ATOSA: variants seen among roughly 807,000 people sequenced by gnomAD.
ATOSA encodes atos homolog A, also known as atos homolog protein A.
At chr15:52,645,907 C>T in the ATOSA span, among the ~76,000 whole-genome samples, 6 of 152,236 alleles carry the variant, frequency 3.9e-5, no homozygotes, top group Admixed American at 3.9e-4. Context: ...TTTACCTGTA[C>T]TCTCATAAGA....
chr15:52,664,085 TC>T, the ATOSA span, among the ~76,000 whole-genome samples: 3 of 152,142 alleles, frequency 2.0e-5, no homozygotes, highest in East Asian at 5.8e-4. Flanking sequence ...ACAAAGGAAA[TC>T]GATGCCAGAG....
At chr15:52,664,607 G>A in the ATOSA span, among the ~76,000 whole-genome samples, 1 of 152,152 alleles carries the variant, frequency 6.6e-6, no homozygotes, top group African/African-American at 2.4e-5. Flanking sequence ...TCTTTCCACT[G>A]CCCTAATTGC....
chr15:52,705,304 A>G, the ATOSA span, among the ~76,000 whole-genome samples: 1 of 150,850 alleles, frequency 6.6e-6, no homozygotes, highest in Non-Finnish European at 1.5e-5. Flanking sequence ...GAGTTGAACA[A>G]TGAGAACACA....
chr15:52,631,965 T>C, the ATOSA span, among the ~76,000 whole-genome samples: 2 of 152,136 alleles, frequency 1.3e-5, no homozygotes, highest in Non-Finnish European at 2.9e-5. Flanking sequence ...GGTCTCAAAC[T>C]CCTGGCCTCA....
At chr15:52,614,381 C>T in the ATOSA span, among the ~76,000 whole-genome samples, 2 of 151,274 alleles carry the variant, frequency 1.3e-5, no homozygotes, top group Non-Finnish European at 2.9e-5. Context: ...GCTGGGATTA[C>T]AGGCATGAGC....
At chr15:52,600,025 A>C in the ATOSA span, 1 of 517,322 alleles carries the variant, frequency 1.9e-6, no homozygotes, top group South Asian at 3.2e-5. Flanking sequence ...AAAGACAATT[A>C]TTTCTTTCCT....
chr15:52,597,810 T>G, the ATOSA span, among the ~76,000 whole-genome samples: 514 of 152,258 alleles, frequency 3.4e-3, 4 homozygotes, highest in Non-Finnish European at 3.7e-3. Flanking sequence ...AAATGTGAAT[T>G]GTCTTGGGCC....
the ATOSA span, among the ~76,000 whole-genome samples, chr15:52,653,646 A>G: frequency 6.6e-6 from 1 of 152,198 alleles, no homozygotes; most frequent in Non-Finnish European, 1.5e-5. Flanking sequence ...TTATTATACC[A>G]TTATGAGCTT....
chr15:52,605,153 A>G, the ATOSA span: 31 of 1,609,320 alleles, frequency 1.9e-5, no homozygotes, highest in Non-Finnish European at 2.5e-5. Context: ...AGAAGAGGCA[A>G]TCCAGTTTGA....
At chr15:52,678,291 T>C in the ATOSA span, 1 of 596,538 alleles carries the variant, frequency 1.7e-6, no homozygotes, top group South Asian at 2.0e-5. Flanking sequence ...CTCCTCCGGA[T>C]CGAGCACCCC....
the ATOSA span, chr15:52,652,105 C>A: frequency 7.1e-7 from 1 of 1,400,210 alleles, no homozygotes; most frequent in Non-Finnish European, 9.3e-7. Context: ...GCTGATTGGA[C>A]AGAGGGTGTG....
chr15:52,665,562 CATAATCAAAAAATGTGATTTTTACA>C, the ATOSA span, among the ~76,000 whole-genome samples: 2 of 151,212 alleles, frequency 1.3e-5, no homozygotes, highest in African/African-American at 4.9e-5. Flanking sequence ...TTTTTTTTAC[CATAATCAAAAAATGTGATTTTTACA>C]ATAATCAAAA....
the ATOSA span, among the ~76,000 whole-genome samples, chr15:52,676,183 C>T: frequency 1.3e-5 from 2 of 152,004 alleles, no homozygotes; most frequent in Admixed American, 1.3e-4. Flanking sequence ...AATATTTTGA[C>T]GTTTAAAAAG....
the ATOSA span, chr15:52,593,494 T>C: frequency 5.5e-6 from 7 of 1,275,366 alleles, no homozygotes; most frequent in Admixed American, 2.9e-5. Flanking sequence ...TGATTTATAT[T>C]TTCAAGTACT....
the ATOSA span, among the ~76,000 whole-genome samples, chr15:52,630,878 G>A: frequency 6.6e-6 from 1 of 152,168 alleles, no homozygotes; most frequent in Non-Finnish European, 1.5e-5. Context: ...CTACATACAG[G>A]TTGTAGAACA....
chr15:52,652,121 C>T, the ATOSA span: 21 of 1,343,410 alleles, frequency 1.6e-5, no homozygotes, highest in African/African-American at 2.8e-4. Flanking sequence ...GTGTGCTCAA[C>T]CTCCCCTGCT....
chr15:52,673,750 C>T, the ATOSA span, among the ~76,000 whole-genome samples: 5 of 152,244 alleles, frequency 3.3e-5, no homozygotes, highest in African/African-American at 1.2e-4. Context: ...GCAAGCAATG[C>T]ACCTAATTGC....
the ATOSA span, among the ~76,000 whole-genome samples, chr15:52,660,380 T>C: frequency 6.6e-6 from 1 of 152,218 alleles, no homozygotes; most frequent in Non-Finnish European, 1.5e-5. Context: ...TGCCAGACTC[T>C]TTCTAAATTC....
the ATOSA span, among the ~76,000 whole-genome samples, chr15:52,625,107 A>G: frequency 2.1e-4 from 32 of 152,130 alleles, no homozygotes; most frequent in Non-Finnish European, 1.2e-4. Flanking sequence ...TGAGAATTGT[A>G]AAGAATCTTA....
Sources: gnomAD v4.1 joint callset for allele counts (sites outside exome capture counted in the v4.1 genomes callset) on GRCh38, gnomAD v4.1.1 for gene constraint, MANE v1.5 for transcripts, NCBI Gene and HGNC (gene_info 2026-07-23, HGNC 2026-07-21) for gene names.